Variants in YTHDC2 observed in about 807,000 individuals in gnomAD.
YTHDC2 encodes YTH N6-methyladenosine RNA binding protein C2.
Under a neutral mutation model 174.9 loss-of-function variants are expected in YTHDC2, and 45 were observed. That is an observed-to-expected ratio of 0.26 (90% CI 0.20 to 0.33). YTHDC2 has a LOEUF of 0.33. Among genes scored for constraint, YTHDC2 ranks in the 10% least tolerant of loss-of-function variants. The pLI, the probability that YTHDC2 is intolerant of heterozygous loss-of-function variation, is 1.00. For synonymous variants in YTHDC2, 657 were observed against 574.5 expected (o/e 1.14, Z -2.05); for missense variants, 1,650 against 1,723.7 (o/e 0.96, Z 0.76).
chr5:113,589,425 A>ATATATATATATG (rs1778889677), intron 26 of YTHDC2, among the ~76,000 whole-genome samples: 1 of 142,880 alleles, frequency 7.0e-6, no homozygotes, highest in African/African-American at 2.6e-5. Flanking sequence ...ATATATATAT[A>ATATATATATATG]TATATATGTA....
intron 9 of YTHDC2, 76 bp downstream of exon 9, chr5:113,541,192 A>G (rs899529810): frequency 2.3e-6 from 3 of 1,281,170 alleles, no homozygotes; most frequent in Non-Finnish European, 3.2e-6. Flanking sequence ...TGAGCTTATA[A>G]TTTTTTTTTT....
chr5:113,521,483 C>T (rs1773854612), intron 2 of YTHDC2, among the ~76,000 whole-genome samples: 1 of 152,120 alleles, frequency 6.6e-6, no homozygotes, highest in South Asian at 2.1e-4. Flanking sequence ...GTAATCCCAG[C>T]ACTTTGGGAG....
At position 113,542,367 on chromosome 5, in the gene YTHDC2, G is replaced by T; in HGVS notation, c.1360-1G>T. ...TTTATGATTTTTACTGTTTTTTGTA[G>T]ACTGAAAAAGATGTGAATTGCCTTG... On this transcript the variant is annotated splice_acceptor_variant, in intron 9 of 29. Coordinates refer to ENST00000161863, the MANE Select transcript of YTHDC2 (RefSeq NM_022828.5). LOFTEE classifies it high-confidence loss of function. The T allele has an allele frequency of 6.2e-7, 1 of 1,603,354 alleles. No individual in the cohort carries two copies. The highest frequency in any genetic ancestry group is 1.1e-5 in the South Asian group (1 of 87,250).
At chr5:113,528,444 C>T (rs1428981604) in intron 4 of YTHDC2, among the ~76,000 whole-genome samples, 5 of 151,924 alleles carry the variant, frequency 3.3e-5, no homozygotes, top group Admixed American at 2.0e-4. Context: ...AAGTTAAGTG[C>T]TTTTTGAATA....
At chr5:113,582,629 T>C (rs530348355) in intron 25 of YTHDC2, 1 of 152,182 alleles carries the variant, frequency 6.6e-6, no homozygotes, top group Non-Finnish European at 1.5e-5. Context: ...GTAGTAAGAA[T>C]TTGATTTTAT....
intron 26 of YTHDC2, among the ~76,000 whole-genome samples, chr5:113,585,953 A>G (rs1397694650): frequency 6.6e-6 from 1 of 152,016 alleles, no homozygotes; most frequent in Non-Finnish European, 1.5e-5. Flanking sequence ...CTAACATTGT[A>G]CTAACTGGTA....
At chr5:113,571,847 A>G (rs911869980) in intron 23 of YTHDC2, among the ~76,000 whole-genome samples, 11 of 151,938 alleles carry the variant, frequency 7.2e-5, no homozygotes, top group Non-Finnish European at 1.6e-4. Context: ...TATTGTGTCT[A>G]TTTGATTCTT....
chr5:113,571,120 C>G (rs1416008164), intron 23 of YTHDC2, among the ~76,000 whole-genome samples: 1 of 152,202 alleles, frequency 6.6e-6, no homozygotes, highest in East Asian at 1.9e-4. Context: ...GTGGGTTTGT[C>G]ATAAATAGCT....
rs577654400 is a variant in YTHDC2 at position 113,557,590 on chromosome 5, C to G, written c.2216+1456C>G. ...GGAAGGATCACTTGAGTCTAAGAGT[C>G]TGAGACTAGCCTGGGCATCATAGTG... On this transcript the variant is annotated intron_variant, in intron 17 of 29. Transcript: ENST00000161863. Among the ~76,000 whole-genome samples the G allele has an allele frequency of 3.9e-5, 6 of 152,208 alleles. No homozygotes were observed. In the South Asian group the frequency reaches 1.2e-3, roughly 32 times the overall value.
chr5:113,527,585 G>T (rs991466331), intron 4 of YTHDC2, among the ~76,000 whole-genome samples: 3 of 152,036 alleles, frequency 2.0e-5, no homozygotes, highest in African/African-American at 7.2e-5. Context: ...TGATTATATT[G>T]GTTAGTTTAA....
intron 28 of YTHDC2, 165 bp from the exon 29 acceptor site, chr5:113,593,138 T>G (rs1290931950): frequency 2.6e-5 from 13 of 492,896 alleles, no homozygotes; most frequent in Non-Finnish European, 4.7e-5. Context: ...CCATAAACCT[T>G]AAAGCAAAGA....
At chr5:113,580,954 C>T (rs1281372838) in intron 24 of YTHDC2, among the ~76,000 whole-genome samples, 1 of 152,166 alleles carries the variant, frequency 6.6e-6, no homozygotes, top group Non-Finnish European at 1.5e-5. Flanking sequence ...CTTACTCCCT[C>T]TATACATTCC....
intron 23 of YTHDC2, among the ~76,000 whole-genome samples, chr5:113,571,552 G>A (rs938287512): frequency 1.3e-5 from 2 of 152,160 alleles, no homozygotes. Flanking sequence ...AAAAGAAAGG[G>A]TATCAGCTCT....
At chr5:113,535,346 A>G (rs1160153579) in intron 6 of YTHDC2, among the ~76,000 whole-genome samples, 2 of 152,010 alleles carry the variant, frequency 1.3e-5, no homozygotes, top group Non-Finnish European at 2.9e-5. Flanking sequence ...TGCAAATACT[A>G]TGCCATTTTT....
chr5:113,547,076 T>C (rs1010791983), intron 10 of YTHDC2, among the ~76,000 whole-genome samples: 6 of 152,178 alleles, frequency 3.9e-5, no homozygotes, highest in African/African-American at 1.4e-4. Flanking sequence ...ATGAGTCACT[T>C]AGTCCAGTTT....
chr5:113,541,282 T>A (rs1441374738), intron 9 of YTHDC2, among the ~76,000 whole-genome samples, 166 bp downstream of exon 9: 1 of 151,686 alleles, frequency 6.6e-6, no homozygotes, highest in South Asian at 2.1e-4. Context: ...AGCTCCGCGT[T>A]CCGGGTTCAC....
Position 113,561,714 on chromosome 5 carries a change from G to A in YTHDC2, c.2322+529G>A, listed in dbSNP as rs372648414. ...AAACTCTTGACCTCATGATTCACCC[G>A]CCTCAGCCTCCCAAAGTGCTGGGAT... On this transcript the variant is annotated intron_variant, in intron 18 of 29. Transcript: ENST00000161863. Among the ~76,000 whole-genome samples, 9 of 151,960 alleles carry A rather than the reference G, an allele frequency of 5.9e-5. No individual in the cohort carries two copies. The South Asian group carries it at 1.5e-3, about 25-fold the overall frequency.
chr5:113,549,036 A>T lies in YTHDC2; in HGVS notation c.1688+16A>T. On this transcript the variant is annotated intron_variant, in intron 12 of 29. Coordinates refer to ENST00000161863, the MANE Select transcript of YTHDC2 (RefSeq NM_022828.5). ...AATCTTACAGGTAAAACTTTGTACT[A>T]TTTTAAATTAATTCTACCGTCTCTT... 1 of 1,590,230 alleles carries T rather than the reference A, an allele frequency of 6.3e-7. No individual in the cohort carries two copies. Among genetic ancestry groups the T allele is most frequent in the East Asian group, 2.2e-5 (1 of 44,680 alleles).
intron 8 of YTHDC2, among the ~76,000 whole-genome samples, chr5:113,540,698 T>C (rs1775394853): frequency 6.6e-6 from 1 of 152,114 alleles, no homozygotes; most frequent in Non-Finnish European, 1.5e-5. Context: ...GGTCTTTCCC[T>C]CAACACCTGC....
Sources: gnomAD v4.1 joint callset for allele counts (sites outside exome capture counted in the v4.1 genomes callset) on GRCh38, gnomAD v4.1.1 for gene constraint, MANE v1.5 for transcripts, NCBI Gene and HGNC (gene_info 2026-07-23, HGNC 2026-07-21) for gene names.